Variants in CA3 observed in about 807,000 individuals in gnomAD.
CA3 encodes the protein carbonic anhydrase 3, also known as CA-III.
In CA3, 30 loss-of-function variants were observed where a neutral mutation model predicts 35.7. The ratio of observed to expected loss-of-function variants is 0.84; its 90% confidence interval spans 0.63 to 1.14. The LOEUF (loss-of-function observed/expected upper bound fraction) is 1.14, where lower values mean the gene tolerates loss of function less well. CA3 is among the 50% of genes most tolerant of loss of function. The probability of loss-of-function intolerance (pLI) is 0.00; values close to 1 mark genes in which losing one functional copy is unlikely to be tolerated. For synonymous variants in CA3, 131 were observed against 130.8 expected (o/e 1.00, Z -0.01); for missense variants, 295 against 328.5 (o/e 0.90, Z 0.79).
chr8:85,444,763 ATT>A, intron 4 of CA3, among the ~76,000 whole-genome samples: 1 of 152,150 alleles, frequency 6.6e-6, no homozygotes. Context: ...TCATTGGGTC[ATT>A]TTTGGTACCT....
chr8:85,447,942 A>C, intron 6 of CA3, 92 bp from the exon 7 acceptor site: 1 of 1,242,226 alleles, frequency 8.1e-7, no homozygotes, highest in South Asian at 1.7e-5. Flanking sequence ...CCAACAACAA[A>C]AAAAACCCCA....
At position 85,439,737 on chromosome 8, in the gene CA3, C is replaced by CGAAA. The variant is rs1811180483; in HGVS notation, c.60_61insGAAA (p.Pro21GlufsTer13). ...GTCCTGACCACTGGCATGAACTTTTCCCAAATGCCAAGGGGGAAAACCAGT... is the reference window on the plus strand; with the variant it reads ...GTCCTGACCACTGGCATGAACTTTTCGAAACCAAATGCCAAGGGGGAAAACCAGT... On this transcript the variant is annotated frameshift_variant, in exon 2 of 7. Coordinates refer to ENST00000285381, the MANE Select transcript of CA3 (RefSeq NM_005181.4). LOFTEE classifies it high-confidence loss of function. 3.7e-6 allele frequency: 6 copies of CGAAA among 1,613,788 alleles called. No individual in the cohort carries two copies. The highest frequency in any genetic ancestry group is 5.1e-6 in the Non-Finnish European group (6 of 1,179,898).
At chr8:85,442,913 A>G (rs1023466322) in intron 3 of CA3, among the ~76,000 whole-genome samples, 2 of 152,222 alleles carry the variant, frequency 1.3e-5, no homozygotes, top group Non-Finnish European at 2.9e-5. Flanking sequence ...TAATAAAGTC[A>G]CACGGCTGGT....
intron 4 of CA3, 55 bp downstream of exon 4, chr8:85,444,181 G>C: frequency 9.0e-7 from 1 of 1,105,936 alleles, no homozygotes; most frequent in Admixed American, 1.9e-5. Context: ...CCTGCCAATG[G>C]TTAGCATAGT....
chr8:85,448,213 T>G lies in CA3; in HGVS notation c.*60T>G. 3.3e-6 allele frequency: 5 copies of G among 1,499,382 alleles called. No individual in the cohort carries two copies. In the Admixed American group the frequency reaches 8.1e-5, roughly 24 times the overall value. The allele number at this position is 1,499,382 out of a possible 1,614,324, so 92.9% of individuals were successfully genotyped here. A position where few individuals can be genotyped will look rare whatever the true frequency, so the allele number is the denominator to read the frequency against. On this transcript the variant is annotated 3_prime_UTR_variant, in exon 7 of 7. Transcript: ENST00000285381. ...CCTACCATTGGAGAGCTTGGTTCCT[T>G]GCCTCCTTCTGGTGCTCCTTACTCC... is the stretch of plus-strand genomic sequence containing the variant.
rs189829823 is a variant in CA3 at position 85,442,220 on chromosome 8, G to C, written c.351+29G>C. The C allele has an allele frequency of 7.7e-6, 9 of 1,163,676 alleles. No individual in the cohort carries two copies. In the South Asian group the frequency reaches 8.5e-5, roughly 11 times the overall value. 72.1% of individuals were successfully genotyped at this position (1,163,676 alleles called of 1,614,324 possible). Reference sequence around the variant, plus strand: ...AGAGGAACTGCCATAATCCATTCTCGGTCTCATACAGTGAAAACTGCAAAA... The same window carrying C: ...AGAGGAACTGCCATAATCCATTCTCCGTCTCATACAGTGAAAACTGCAAAA... On this transcript the variant is annotated intron_variant, in intron 3 of 6. Transcript: ENST00000285381.
chr8:85,440,225 C>A (rs572612005), intron 2 of CA3, among the ~76,000 whole-genome samples: 2 of 152,114 alleles, frequency 1.3e-5, no homozygotes, highest in South Asian at 4.1e-4. Context: ...ACTCCGATGG[C>A]CTATACCTGA....
intron 1 of CA3, 27 bp from the exon 2 acceptor site, chr8:85,439,685 A>G (rs533908319): frequency 6.3e-7 from 1 of 1,579,064 alleles, no homozygotes; most frequent in Admixed American, 1.7e-5. Flanking sequence ...CACCAAATAA[A>G]TACATCTCCT....
In CA3 at chr8:85,445,209, T is replaced by G; in HGVS notation, c.498T>G (p.Ile166Met). ...TTTTCCTTGATGCATTGGACAAGAT[T>G]AAGACAAAGGTAAACAAAAATCATT... ...FQIFLDALDKIKTKGKEAPFT... is the reference protein window; with the variant it reads ...FQIFLDALDKMKTKGKEAPFT... The change falls in exon 5 of 7, where the codon ATT (isoleucine) becomes ATG (methionine). Residue 166 changes from isoleucine to methionine, a missense_variant. Coordinates refer to ENST00000285381, the MANE Select transcript of CA3 (RefSeq NM_005181.4). 1.3e-6 allele frequency: 2 copies of G among 1,598,720 alleles called. No individual in the cohort carries two copies. The highest frequency in any genetic ancestry group is 1.7e-5 in the Admixed American group (1 of 58,932).
At chr8:85,441,632 G>A (rs1291577300) in intron 2 of CA3, among the ~76,000 whole-genome samples, 2 of 152,316 alleles carry the variant, frequency 1.3e-5, no homozygotes, top group East Asian at 3.9e-4. Flanking sequence ...AGATGTGAAA[G>A]TGGGTTCAGA....
At position 85,448,072 on chromosome 8, in the gene CA3, C is replaced by G; in HGVS notation, c.702C>G (p.Asn234Lys). Residue 234 changes from asparagine (N) to lysine (K), a missense_variant, in exon 7 of 7, where the codon AAC (asparagine) becomes AAG (lysine). By Grantham distance (94) the Asn-to-Lys change is moderately conservative. Transcript: ENST00000285381. ...KLRSLLSSAE[N>K]EPPVPLVSNW... is the part of the protein sequence containing the mutation. Reference sequence around the variant, plus strand: ...GGAGCCTCCTCTCCAGTGCTGAGAACGAGCCCCCAGTGCCTCTTGTGAGCA... The same window carrying G: ...GGAGCCTCCTCTCCAGTGCTGAGAAGGAGCCCCCAGTGCCTCTTGTGAGCA... 1 of 1,613,382 alleles carries G rather than the reference C, an allele frequency of 6.2e-7. No individual in the cohort carries two copies. The highest frequency in any genetic ancestry group is 1.1e-5 in the South Asian group (1 of 90,812).
rs1009936991 is a variant in CA3 at position 85,446,193 on chromosome 8, T to C, written c.559T>C (p.Cys187Arg). 2 of 1,613,946 alleles carry C rather than the reference T, an allele frequency of 1.2e-6. No homozygotes were observed. Among genetic ancestry groups the C allele is most frequent in the Admixed American group, 3.3e-5 (2 of 59,996 alleles). ...TGACCCATCCTGCCTGTTCCCGGCA[T>C]GCCGGGACTACTGGACCTACCAGGG... is the stretch of plus-strand genomic sequence containing the variant. Reference protein sequence around the residue: ...KFDPSCLFPACRDYWTYQGSF... With the variant: ...KFDPSCLFPARRDYWTYQGSF... Residue 187 changes from cysteine (C) to arginine (R), a missense_variant, in exon 6 of 7, where the codon TGC (cysteine) becomes CGC (arginine). Transcript: ENST00000285381.
At position 85,448,833 on chromosome 8, in the gene CA3, G is replaced by C. The variant is rs569777443; in HGVS notation, c.*680G>C. On this transcript the variant is annotated 3_prime_UTR_variant, in exon 7 of 7. Coordinates refer to ENST00000285381, the MANE Select transcript of CA3 (RefSeq NM_005181.4). Reference sequence around the variant, plus strand: ...CATAAATGTAGTTGAATTTATCCTAGTATTTTTCTTTACCTGAAGGAGGGC... The same window carrying C: ...CATAAATGTAGTTGAATTTATCCTACTATTTTTCTTTACCTGAAGGAGGGC... 10 of 152,242 alleles carry C rather than the reference G, an allele frequency of 6.6e-5. No homozygotes were observed. Among genetic ancestry groups the C allele is most frequent in the African/African-American group, 1.9e-4 (8 of 41,546 alleles). 9.4% of individuals were successfully genotyped at this position (152,242 alleles called of 1,614,324 possible). A position where few individuals can be genotyped will look rare whatever the true frequency, so the allele number is the denominator to read the frequency against.
At chr8:85,443,970 A>G in intron 3 of CA3, 64 bp from the exon 4 acceptor site, 1 of 1,101,604 alleles carries the variant, frequency 9.1e-7, no homozygotes, top group Non-Finnish European at 1.4e-6. Context: ...TTTATTGTGG[A>G]TAATGTTGTA....
At chr8:85,447,981 T>A in intron 6 of CA3, 53 bp from the exon 7 acceptor site, 1 of 1,558,660 alleles carries the variant, frequency 6.4e-7, no homozygotes, top group Non-Finnish European at 8.7e-7. Flanking sequence ...TGTCACGTAG[T>A]GTGTCCAGTT....
intron 6 of CA3, 75 bp from the exon 7 acceptor site, chr8:85,447,958 AT>A: frequency 7.1e-7 from 1 of 1,416,512 alleles, no homozygotes; most frequent in Non-Finnish European, 9.6e-7. Context: ...CCCCAGCAGT[AT>A]TTATACCTCT....
At position 85,448,047 on chromosome 8, in the gene CA3, G is replaced by A. The variant is rs142979911; in HGVS notation, c.677G>A (p.Arg226Gln). The A allele has an allele frequency of 9.9e-6, 16 of 1,611,186 alleles. No homozygotes were observed. Among genetic ancestry groups the A allele is most frequent in the South Asian group, 2.2e-5 (2 of 90,204 alleles). ...TVSSDQMAKLRSLLSSAENEP... is the reference protein window; with the variant it reads ...TVSSDQMAKLQSLLSSAENEP... The stretch of plus-strand genomic sequence containing the variant: ...TGCCCTTTGCAGATGGCCAAGCTGC[G>A]GAGCCTCCTCTCCAGTGCTGAGAAC... Residue 226 changes from arginine (R) to glutamine (Q), a missense_variant, in exon 7 of 7, where the codon CGG becomes CAG. Physicochemically the swap from Arg to Gln is conservative, Grantham distance 43. Coordinates refer to ENST00000285381, the MANE Select transcript of CA3 (RefSeq NM_005181.4).
intron 5 of CA3, among the ~76,000 whole-genome samples, chr8:85,445,755 C>A (rs751179677): frequency 6.6e-6 from 1 of 152,080 alleles, no homozygotes; most frequent in Non-Finnish European, 1.5e-5. Context: ...AGTAAGCATT[C>A]CAAGTAGATC....
intron 5 of CA3, 83 bp downstream of exon 5, chr8:85,445,301 C>A: frequency 1.1e-6 from 1 of 873,436 alleles, no homozygotes; most frequent in Non-Finnish European, 1.8e-6. Flanking sequence ...TTTTTTTCAC[C>A]TAAAATCTGT....
Sources: allele counts gnomAD v4.1 joint callset (sites outside exome capture counted in the v4.1 genomes callset), GRCh38; gene constraint gnomAD v4.1.1; transcripts MANE v1.5; gene names NCBI Gene and HGNC (gene_info 2026-07-23, HGNC 2026-07-21).